EMC3: variants seen among roughly 807,000 people sequenced by gnomAD.
The protein encoded by EMC3 is ER membrane protein complex subunit 3.
Under a neutral mutation model 36.6 loss-of-function variants are expected in EMC3, and 13 were observed. The ratio of observed to expected loss-of-function variants is 0.35; its 90% CI spans 0.23 to 0.56. The LOEUF is 0.56. Ranked by LOEUF, EMC3 falls within the 20% of genes least tolerant of loss-of-function variation. The probability of loss-of-function intolerance (pLI) is 0.84; values close to 1 mark genes in which losing one functional copy is unlikely to be tolerated. For missense variants in EMC3, 220 were observed against 324.5 expected (o/e 0.68, Z 2.47); for synonymous variants, 120 against 111.9 (o/e 1.07, Z -0.46).
chr3:10,000,890 C>T (rs774357447), intron 1 of EMC3: 10 of 468,676 alleles, frequency 2.1e-5, no homozygotes, highest in East Asian at 1.3e-4. Flanking sequence ...CCCTTTTCCA[C>T]GGTGTGGCAC....
chr3:9,981,464 C>G (rs1031458390), intron 1 of EMC3, among the ~76,000 whole-genome samples: 2 of 152,168 alleles, frequency 1.3e-5, no homozygotes, highest in African/African-American at 4.8e-5. Flanking sequence ...AGATCCATAG[C>G]TGTGTTCTCT....
At chr3:10,009,715 C>G (rs934891412) in intron 1 of EMC3, among the ~76,000 whole-genome samples, 2 of 152,218 alleles carry the variant, frequency 1.3e-5, no homozygotes, top group African/African-American at 4.8e-5. Context: ...CTCAGAGGCT[C>G]CCTTCATCTG....
intron 3 of EMC3, among the ~76,000 whole-genome samples, chr3:9,974,862 T>G (rs2085828202): frequency 7.7e-6 from 1 of 129,118 alleles, no homozygotes. Flanking sequence ...CCAGCGTTTT[T>G]TTTTTTTTTT....
intron 3 of EMC3, among the ~76,000 whole-genome samples, chr3:9,976,499 A>G (rs1330494547): frequency 6.6e-6 from 1 of 152,238 alleles, no homozygotes; most frequent in Non-Finnish European, 1.5e-5. Context: ...TAGACCAAAC[A>G]ATCACGTCTA....
upstream of EMC3, among the ~76,000 whole-genome samples, chr3:9,990,617 C>G (rs932301920): frequency 2.6e-5 from 4 of 152,022 alleles, no homozygotes; most frequent in Non-Finnish European, 5.9e-5. Context: ...TGAAGCAAAT[C>G]TCCTGCCTCA....
chr3:9,983,320 G>C (rs1220039805), intron 1 of EMC3, among the ~76,000 whole-genome samples: 1 of 151,972 alleles, frequency 6.6e-6, no homozygotes, highest in Non-Finnish European at 1.5e-5. Context: ...GTTAATTTTT[G>C]TATTTTTAGC....
At chr3:9,973,776 C>T in intron 4 of EMC3, 67 bp from the exon 5 acceptor site, 1 of 1,443,598 alleles carries the variant, frequency 6.9e-7, no homozygotes, top group Non-Finnish European at 9.8e-7. Flanking sequence ...GTGACTCTTT[C>T]TCAGAGGAGG....
chr3:9,977,915 G>C (rs1017623539), intron 1 of EMC3, among the ~76,000 whole-genome samples: 1 of 151,934 alleles, frequency 6.6e-6, no homozygotes, highest in Admixed American at 6.6e-5. Context: ...AATCTACCCA[G>C]AAGTCAGACT....
At chr3:9,976,759 G>A (rs560449510) in intron 3 of EMC3, among the ~76,000 whole-genome samples, 198 bp downstream of exon 3, 1 of 152,162 alleles carries the variant, frequency 6.6e-6, no homozygotes, top group African/African-American at 2.4e-5. Flanking sequence ...TTTATACATT[G>A]GGGTTCTCAG....
At chr3:9,986,216 G>A (rs1182454239) in intron 1 of EMC3, among the ~76,000 whole-genome samples, 1 of 152,128 alleles carries the variant, frequency 6.6e-6, no homozygotes, top group Admixed American at 6.5e-5. Context: ...CCGAGGGTCG[G>A]CGACTAACCT....
At chr3:10,003,297 G>T (rs2086226529) in intron 1 of EMC3, 1 of 441,256 alleles carries the variant, frequency 2.3e-6, no homozygotes, top group Non-Finnish European at 4.6e-6. Context: ...GGCTGTGACT[G>T]CCGCAGGGCT....
At chr3:9,978,943 A>G (rs1269139948) in intron 1 of EMC3, among the ~76,000 whole-genome samples, 2 of 152,168 alleles carry the variant, frequency 1.3e-5, no homozygotes, top group Admixed American at 6.6e-5. Flanking sequence ...TTCCCCTGTC[A>G]CACTACACAT....
intron 3 of EMC3, among the ~76,000 whole-genome samples, chr3:9,976,297 G>T (rs1258681366): frequency 6.6e-6 from 1 of 151,976 alleles, no homozygotes; most frequent in Non-Finnish European, 1.5e-5. Context: ...GTAGAGACGG[G>T]GTTTCATCAT....
chr3:9,997,349 C>T (rs550333340), intron 1 of EMC3, among the ~76,000 whole-genome samples: 76 of 152,242 alleles, frequency 5.0e-4, no homozygotes, highest in African/African-American at 1.7e-3. Context: ...GGATTACAGG[C>T]GTGTGCCGCC....
At chr3:9,977,355 T>C in intron 2 of EMC3, 34 bp downstream of exon 2, 1 of 1,588,658 alleles carries the variant, frequency 6.3e-7, no homozygotes, top group Non-Finnish European at 8.6e-7. Flanking sequence ...CAACAGTGAA[T>C]CGTGGAGCTT....
intron 1 of EMC3, among the ~76,000 whole-genome samples, chr3:10,002,560 A>G (rs999477101): frequency 1.3e-5 from 2 of 152,176 alleles, no homozygotes; most frequent in African/African-American, 4.8e-5. Flanking sequence ...TGTTAGGATG[A>G]CAGGCATGAG....
chr3:9,981,736 G>GA (rs2085913940), intron 1 of EMC3: 1 of 440,746 alleles, frequency 2.3e-6, no homozygotes, highest in Admixed American at 2.5e-5. Flanking sequence ...CACCAGGCCT[G>GA]AAAGATATTT....
At position 9,986,377 on chromosome 3, in the gene EMC3, A is replaced by G. The variant is rs890487718; in HGVS notation, c.155+130T>C. 125 of 1,015,144 alleles carry G rather than the reference A, an allele frequency of 1.2e-4. No homozygotes were observed. The Middle Eastern group carries it at 1.3e-3, about 11-fold the overall frequency. The allele number at this position is 1,015,144 out of a possible 1,614,324, so 62.9% of individuals were successfully genotyped here. A position where few individuals can be genotyped will look rare whatever the true frequency, so the allele number is the denominator to read the frequency against. ...TTCACAGAGGACAAAAGTGAAACAC[A>G]GAGGTAACGGGTAAGGTCACCCTGT... is the stretch of plus-strand genomic sequence containing the variant. On this transcript the variant is annotated intron_variant, in intron 1 of 7. Transcript: ENST00000245046.
At chr3:9,967,945 C>T (rs999791072) in intron 7 of EMC3, among the ~76,000 whole-genome samples, 7 of 151,890 alleles carry the variant, frequency 4.6e-5, no homozygotes, top group South Asian at 4.1e-4. Context: ...TTTTTTGAGA[C>T]GAAGTCTCGC....
Sources: gnomAD v4.1 joint callset for allele counts (sites outside exome capture counted in the v4.1 genomes callset) on GRCh38, gnomAD v4.1.1 for gene constraint, MANE v1.5 for transcripts, NCBI Gene and HGNC (gene_info 2026-07-23, HGNC 2026-07-21) for gene names.